Variants in CASP14 observed in about 807,000 individuals in gnomAD.
CASP14 encodes the protein caspase-14.
In CASP14, 27 loss-of-function variants were observed where a neutral mutation model predicts 28.4. The ratio of observed to expected loss-of-function variants is 0.95; its 90% CI spans 0.70 to 1.31. The LOEUF is 1.31. Ranked by LOEUF, CASP14 falls within the 50% of genes most tolerant of loss-of-function variation. The pLI is 0.00. For missense variants in CASP14, 323 were observed against 312.8 expected (o/e 1.03, Z -0.25); for synonymous variants, 115 against 118.6 (o/e 0.97, Z 0.20).
Position 15,056,093 on chromosome 19 carries a change from T to G in CASP14, c.*4T>G, listed in dbSNP as rs202048131. 61 of 1,581,746 alleles carry G rather than the reference T, an allele frequency of 3.9e-5. No homozygotes were observed. Among genetic ancestry groups the G allele is most frequent in the Non-Finnish European group, 5.0e-5 (58 of 1,160,894 alleles). ...GAAACGGCTGTATCTGCAGTAGAAGTAGAAAGACCAGGAGGAGCTTTCCTT... is the reference window on the plus strand; with the variant it reads ...GAAACGGCTGTATCTGCAGTAGAAGGAGAAAGACCAGGAGGAGCTTTCCTT... On this transcript the variant is annotated 3_prime_UTR_variant, in exon 7 of 7. Transcript: ENST00000427043.
chr19:15,055,380 T>C (rs1568315740), intron 5 of CASP14, 50 bp from the exon 6 acceptor site: 1 of 1,583,430 alleles, frequency 6.3e-7, no homozygotes, highest in Admixed American at 1.7e-5. Flanking sequence ...CAGGATCCCC[T>C]CTACCTACCC....
rs529248125 is a variant in CASP14 at position 15,055,272 on chromosome 19, A to G, written c.518A>G (p.Glu173Gly). ...GCCTTGCACGTTTATTCCACGGTAGAGGGTATGAGCTCCCAGCTGGCCCAG... is the reference window on the plus strand; with the variant it reads ...GCCTTGCACGTTTATTCCACGGTAGGGGGTATGAGCTCCCAGCTGGCCCAG... ...TDALHVYSTV[E>G]GYIAYRHDQK... The change falls in exon 5 of 7, where the codon GAG becomes GGG. Residue 173 changes from glutamate to glycine, a missense_variant and splice_region_variant. Physicochemically the swap from Glu to Gly is moderately conservative, Grantham distance 98. Coordinates refer to ENST00000427043, the MANE Select transcript of CASP14 (RefSeq NM_012114.3). The G allele has an allele frequency of 1.9e-6, 3 of 1,612,950 alleles. No individual in the cohort carries two copies. The highest frequency in any genetic ancestry group is 1.7e-5 in the Admixed American group (1 of 59,994).
chr19:15,051,368 G>A (rs750623438), intron 1 of CASP14, among the ~76,000 whole-genome samples: 6 of 151,418 alleles, frequency 4.0e-5, no homozygotes, highest in Non-Finnish European at 5.9e-5. Flanking sequence ...GCATGGTGGC[G>A]CATACCTGTA....
At chr19:15,055,843 T>C in intron 6 of CASP14, 142 bp from the exon 7 acceptor site, 2 of 637,606 alleles carry the variant, frequency 3.1e-6, no homozygotes, top group Non-Finnish European at 5.6e-6. Flanking sequence ...CAGCCAAGGA[T>C]TCCATACAAA....
Position 15,052,213 on chromosome 19 carries a change from C to G in CASP14, c.-39C>G, listed in dbSNP as rs372983776. The G allele has an allele frequency of 6.3e-7, 1 of 1,579,768 alleles. No homozygotes were observed. Among genetic ancestry groups the G allele is most frequent in the African/African-American group, 1.4e-5 (1 of 73,386 alleles). On this transcript the variant is annotated 5_prime_UTR_variant, in exon 2 of 7. Coordinates refer to ENST00000427043, the MANE Select transcript of CASP14 (RefSeq NM_012114.3). ...TCTTCTCTTGACTCCAAGGATCAGA[C>G]AAGGGTGCTGAGAGCCGGGACTCAC...
chr19:15,053,619 C>T lies in CASP14; in HGVS notation c.165C>T (p.Asp55=), dbSNP rs781027060. 5 of 1,614,120 alleles carry T rather than the reference C, an allele frequency of 3.1e-6. No homozygotes were observed. Among genetic ancestry groups the T allele is most frequent in the Non-Finnish European group, 4.2e-6 (5 of 1,180,028 alleles). ...GATTCGAAAGCACCATGAAAAGAGA[C>T]CCCACTGCCGAGGTATTGGGGTGCC... ...QLRFESTMKR[D]PTAEQFQEEL... is the part of the protein sequence containing the mutation. The change falls in exon 3 of 7, where the codon GAC becomes GAT. Residue 55 remains aspartate (D), a synonymous_variant. Transcript: ENST00000427043.
In CASP14 at chr19:15,050,321, T is replaced by TGAGA. The variant is rs55945511; in HGVS notation, c.-47+697_-47+700dup. Among the ~76,000 whole-genome samples, 64 of 149,192 alleles carry TGAGA rather than the reference T, an allele frequency of 4.3e-4. 1 individual carries two copies. The highest frequency in any genetic ancestry group is 1.1e-3 in the South Asian group (5 of 4,672). ...GTGTGTGTGTGTGAGTGTGTGTGTG[T>TGAGA]GAGAGAGAGAGAGAGAGAGAGAGAT... On this transcript the variant is annotated intron_variant, in intron 1 of 6. Coordinates refer to ENST00000427043, the MANE Select transcript of CASP14 (RefSeq NM_012114.3).
chr19:15,051,358 G>T (rs1242514942), intron 1 of CASP14, among the ~76,000 whole-genome samples: 2 of 151,632 alleles, frequency 1.3e-5, no homozygotes, highest in Non-Finnish European at 2.9e-5. Context: ...AATTAGCCAG[G>T]CATGGTGGCG....
At chr19:15,054,578 G>A (rs1394004258) in intron 4 of CASP14, among the ~76,000 whole-genome samples, 1 of 151,372 alleles carries the variant, frequency 6.6e-6, no homozygotes, top group African/African-American at 2.4e-5. Flanking sequence ...GCAAGCCCCT[G>A]TCTCTAAAAA....
At chr19:15,051,630 C>T (rs55878525) in intron 1 of CASP14, among the ~76,000 whole-genome samples, 1 of 151,824 alleles carries the variant, frequency 6.6e-6, no homozygotes, top group Non-Finnish European at 1.5e-5. Flanking sequence ...GAGAACAGGA[C>T]TCAGAGATGA....
intron 1 of CASP14, among the ~76,000 whole-genome samples, chr19:15,050,321 T>TGTGAGAGAGAGAGAGAGAGA (rs201170850): frequency 5.4e-5 from 8 of 149,196 alleles, no homozygotes; most frequent in African/African-American, 2.0e-4. Flanking sequence ...TGTGTGTGTG[T>TGTGAGAGAGAGAGAGAGAGA]GAGAGAGAGA....
At position 15,053,771 on chromosome 19, in the gene CASP14, C is replaced by A. The variant is rs1404950100; in HGVS notation, c.216C>A (p.Ile72=). The A allele has an allele frequency of 6.2e-7, 1 of 1,613,816 alleles. No homozygotes were observed. The highest frequency in any genetic ancestry group is 8.5e-7 in the Non-Finnish European group (1 of 1,179,780). Reference sequence around the variant, plus strand: ...AGCTGGAAAAATTCCAGCAGGCCATCGATTCCCGGGAAGATCCCGTCAGTT... The same window carrying A: ...AGCTGGAAAAATTCCAGCAGGCCATAGATTCCCGGGAAGATCCCGTCAGTT... ...QEELEKFQQA[I]DSREDPVSCA... The change falls in exon 4 of 7, where the codon ATC becomes ATA. Residue 72 remains isoleucine, a synonymous_variant. Coordinates refer to ENST00000427043, the MANE Select transcript of CASP14 (RefSeq NM_012114.3).
chr19:15,054,866 C>T (rs991568779), intron 4 of CASP14: 1 of 284,788 alleles, frequency 3.5e-6, no homozygotes, highest in South Asian at 5.2e-5. Flanking sequence ...GTCTCAAACT[C>T]CTGACCTCAG....
Position 15,056,015 on chromosome 19 carries a change from G to C in CASP14, c.655G>C (p.Val219Leu). The C allele has an allele frequency of 1.2e-6, 2 of 1,608,864 alleles. No homozygotes were observed. Among genetic ancestry groups the C allele is most frequent in the Admixed American group, 3.4e-5 (2 of 59,408 alleles). The change falls in exon 7 of 7, where the codon GTT becomes CTT. Residue 219 changes from valine (V) to leucine (L), a missense_variant. By Grantham distance (32) the Val-to-Leu change is conservative. Coordinates refer to ENST00000427043, the MANE Select transcript of CASP14 (RefSeq NM_012114.3). ...VTRRMAEAEL[V>L]QEGKARKTNP... ...CCGGCGGATGGCAGAAGCAGAGCTG[G>C]TTCAAGAAGGAAAAGCAAGGAAAAC...
In CASP14 at chr19:15,057,391, A is replaced by C. The variant is rs2046122430; in HGVS notation, c.*1302A>C. Reference sequence around the variant, plus strand: ...CAGACACCATGCCCAGTCCAGCCTGATTTTGAAACAACTTTCATGCCGGTC... The same window carrying C: ...CAGACACCATGCCCAGTCCAGCCTGCTTTTGAAACAACTTTCATGCCGGTC... On this transcript the variant is annotated 3_prime_UTR_variant, in exon 7 of 7. Transcript: ENST00000427043. 1 of 152,264 alleles carries C rather than the reference A, an allele frequency of 6.6e-6. No individual in the cohort carries two copies. Among genetic ancestry groups the C allele is most frequent in the Admixed American group, 6.6e-5 (1 of 15,266 alleles). 9.4% of individuals were successfully genotyped at this position (152,264 alleles called of 1,614,324 possible).
chr19:15,050,321 TGAGAGAGA>T (rs55945511), intron 1 of CASP14, among the ~76,000 whole-genome samples: 13 of 149,196 alleles, frequency 8.7e-5, no homozygotes, highest in South Asian at 2.1e-4. Flanking sequence ...TGTGTGTGTG[TGAGAGAGA>T]GAGAGAGAGA....
At chr19:15,051,125 T>C (rs142509944) in intron 1 of CASP14, among the ~76,000 whole-genome samples, 20 of 151,034 alleles carry the variant, frequency 1.3e-4, no homozygotes, top group African/African-American at 4.6e-4. Flanking sequence ...AAAACATAGA[T>C]GAATGGATGG....
At chr19:15,055,910 T>C (rs1377546569) in intron 6 of CASP14, 75 bp from the exon 7 acceptor site, 2 of 1,132,028 alleles carry the variant, frequency 1.8e-6, no homozygotes, top group Non-Finnish European at 2.6e-6. Flanking sequence ...AATACCCACC[T>C]GCCCCGTTCC....
chr19:15,053,296 CAG>C, intron 2 of CASP14, among the ~76,000 whole-genome samples, 184 bp from the exon 3 acceptor site: 1 of 152,178 alleles, frequency 6.6e-6, no homozygotes, highest in South Asian at 2.1e-4. Flanking sequence ...TTTGTAGAGA[CAG>C]AGTCTCACTA....
Sources: gnomAD v4.1 joint callset for allele counts (sites outside exome capture counted in the v4.1 genomes callset) on GRCh38, gnomAD v4.1.1 for gene constraint, MANE v1.5 for transcripts, NCBI Gene and HGNC (gene_info 2026-07-23, HGNC 2026-07-21) for gene names.